ERBB4: variants seen among roughly 807,000 people sequenced by gnomAD.
ERBB4 encodes the protein erb-b2 receptor tyrosine kinase 4.
In ERBB4, 42 loss-of-function variants were observed where a neutral mutation model predicts 158.0. The observed-to-expected ratio is 0.27, with a 90% confidence interval of 0.21 to 0.34. ERBB4 has a LOEUF of 0.34. Ranked by LOEUF, ERBB4 falls within the 10% of genes least tolerant of loss-of-function variation. The pLI, the probability that ERBB4 is intolerant of heterozygous loss-of-function variation, is 1.00. For missense variants in ERBB4, 1,333 were observed against 1,624.1 expected (o/e 0.82, Z 3.08); for synonymous variants, 583 against 558.7 (o/e 1.04, Z -0.61).
At chr2:212,529,874 T>C (rs1413148518) in intron 1 of ERBB4, among the ~76,000 whole-genome samples, 2 of 152,092 alleles carry the variant, frequency 1.3e-5, no homozygotes, top group Non-Finnish European at 2.9e-5. Flanking sequence ...AAGCACCAAG[T>C]AAGCCACAAA....
intron 2 of ERBB4, among the ~76,000 whole-genome samples, chr2:212,010,635 G>A (rs188378496): frequency 3.5e-4 from 54 of 152,242 alleles, no homozygotes; most frequent in Non-Finnish European, 6.5e-4. Context: ...AGTAGTGCAC[G>A]TATTGTCTTA....
chr2:211,424,304 A>G lies in ERBB4; in HGVS notation c.2720-3T>C, dbSNP rs755412967. 1.2e-6 allele frequency: 2 copies of G among 1,610,402 alleles called. No individual in the cohort carries two copies. The highest frequency in any genetic ancestry group is 1.7e-6 in the Non-Finnish European group (2 of 1,177,130). On this transcript the variant is annotated splice_polypyrimidine_tract_variant and splice_region_variant and intron_variant, in intron 22 of 27. Coordinates refer to ENST00000342788, the MANE Select transcript of ERBB4 (RefSeq NM_005235.3). ...CATCAGTTCCCATATAGTAACTCCTATATTGGAGAAAAAATTCTTACTTAA... is the reference window on the plus strand; with the variant it reads ...CATCAGTTCCCATATAGTAACTCCTGTATTGGAGAAAAAATTCTTACTTAA...
At chr2:211,857,324 G>A (rs188410266) in intron 3 of ERBB4, among the ~76,000 whole-genome samples, 101 of 152,214 alleles carry the variant, frequency 6.6e-4, no homozygotes, top group African/African-American at 2.4e-3. Context: ...CATAAAATCT[G>A]TTAAGTCCAA....
chr2:211,916,311 C>G (rs946784638), intron 3 of ERBB4, among the ~76,000 whole-genome samples: 6 of 152,074 alleles, frequency 3.9e-5, no homozygotes, highest in Admixed American at 2.6e-4. Context: ...TCCCGAGTAT[C>G]TGGGATTACA....
At chr2:212,086,855 T>A (rs1468510051) in intron 2 of ERBB4, among the ~76,000 whole-genome samples, 2 of 151,896 alleles carry the variant, frequency 1.3e-5, no homozygotes, top group African/African-American at 4.8e-5. Flanking sequence ...AGTACATGGG[T>A]AGGAGAACAC....
At chr2:212,128,007 G>A (rs1052019111) in intron 1 of ERBB4, among the ~76,000 whole-genome samples, 1 of 152,074 alleles carries the variant, frequency 6.6e-6, no homozygotes, top group Non-Finnish European at 1.5e-5. Context: ...GTTACTATTT[G>A]TCTCTAAATT....
intron 13 of ERBB4, among the ~76,000 whole-genome samples, chr2:211,675,792 T>TATATATATATATATATATATATATATA (rs1553607853): frequency 8.5e-5 from 8 of 93,588 alleles, no homozygotes; most frequent in Middle Eastern, 6.1e-3. Flanking sequence ...AAATATAATA[T>TATATATATATATATATATATATATATA]TATATATATA....
intron 4 of ERBB4, among the ~76,000 whole-genome samples, chr2:211,753,682 C>T (rs1399122167): frequency 6.6e-6 from 1 of 151,260 alleles, no homozygotes; most frequent in Non-Finnish European, 1.5e-5. Context: ...AGGAGATCAC[C>T]CTAGACCATT....
At chr2:211,856,928 T>G (rs1575257795) in intron 3 of ERBB4, among the ~76,000 whole-genome samples, 1 of 152,290 alleles carries the variant, frequency 6.6e-6, no homozygotes, top group East Asian at 1.9e-4. Context: ...CAGATTTAGA[T>G]CTTTAGTAAA....
chr2:211,623,833 G>C, intron 18 of ERBB4, 89 bp downstream of exon 18: 5 of 1,259,736 alleles, frequency 4.0e-6, no homozygotes, highest in Non-Finnish European at 5.7e-6. Flanking sequence ...AAGAAAATTA[G>C]GTTGTCTAAA....
chr2:212,170,115 G>A lies in ERBB4; in HGVS notation c.83-45212C>T, dbSNP rs189809231. On this transcript the variant is annotated intron_variant, in intron 1 of 27. Transcript: ENST00000342788. ...GGCCCAAAAGAATACAGGAAACTAT[G>A]GAAAAGTTTGGAACTTCATAGAGAC... Among the ~76,000 whole-genome samples, 360 of 152,290 alleles carry A rather than the reference G, an allele frequency of 2.4e-3. 3 individuals are homozygous for A. Among genetic ancestry groups the A allele is most frequent in the African/African-American group, 8.3e-3 (346 of 41,574 alleles).
chr2:212,197,388 G>A (rs1189119286), intron 1 of ERBB4, among the ~76,000 whole-genome samples: 1 of 152,042 alleles, frequency 6.6e-6, no homozygotes, highest in Non-Finnish European at 1.5e-5. Context: ...AGAACTTTGT[G>A]GATTTTAGAA....
At chr2:212,322,166 C>T (rs577730619) in intron 1 of ERBB4, among the ~76,000 whole-genome samples, 1 of 150,458 alleles carries the variant, frequency 6.6e-6, no homozygotes, top group South Asian at 2.1e-4. Flanking sequence ...AATAGTTAGG[C>T]TTTTCTGTTG....
intron 1 of ERBB4, among the ~76,000 whole-genome samples, chr2:212,293,872 A>AAAAAAT (rs2086310178): frequency 1.4e-5 from 2 of 146,330 alleles, no homozygotes; most frequent in Non-Finnish European, 3.0e-5. Flanking sequence ...AAAAAAAAAA[A>AAAAAAT]ACATACATTT....
At chr2:212,234,305 C>T (rs2083773574) in intron 1 of ERBB4, among the ~76,000 whole-genome samples, 1 of 152,136 alleles carries the variant, frequency 6.6e-6, no homozygotes. Flanking sequence ...CTGCAAAGGA[C>T]ATGAACTCAT....
chr2:211,789,017 ATGAC>A (rs1264466727), intron 3 of ERBB4, among the ~76,000 whole-genome samples: 7 of 152,140 alleles, frequency 4.6e-5, no homozygotes, highest in Non-Finnish European at 7.4e-5. Context: ...TCCACAAACA[ATGAC>A]TGACCACAGA....
chr2:212,025,988 T>C (rs1306849321), intron 2 of ERBB4, among the ~76,000 whole-genome samples: 1 of 151,740 alleles, frequency 6.6e-6, no homozygotes, highest in Non-Finnish European at 1.5e-5. Flanking sequence ...AGAGTAACTG[T>C]CCTGCTTCTC....
rs1574492131 is a variant in ERBB4 at position 211,377,420 on chromosome 2, A to G, written c.*6195T>C. 1 of 231,598 alleles carries G rather than the reference A, an allele frequency of 4.3e-6. No individual in the cohort carries two copies. The highest frequency in any genetic ancestry group is 8.6e-6 in the Non-Finnish European group (1 of 116,838). 14.3% of individuals were successfully genotyped at this position (231,598 alleles called of 1,614,324 possible). A position where few individuals can be genotyped will look rare whatever the true frequency, so the allele number is the denominator to read the frequency against. On this transcript the variant is annotated 3_prime_UTR_variant, in exon 28 of 28. Coordinates refer to ENST00000342788, the MANE Select transcript of ERBB4 (RefSeq NM_005235.3). The stretch of plus-strand genomic sequence containing the variant: ...ATTTGCACAAATATAACCACTTCTC[A>G]TGATATAGGGAAAGCTCACTAGAGC...
intron 1 of ERBB4, among the ~76,000 whole-genome samples, chr2:212,149,642 C>G (rs2080806621): frequency 6.6e-6 from 1 of 152,094 alleles, no homozygotes; most frequent in African/African-American, 2.4e-5. Context: ...AAAACATGTA[C>G]ATATGCATAC....
Sources: gnomAD v4.1 joint callset for allele counts (sites outside exome capture counted in the v4.1 genomes callset) on GRCh38, gnomAD v4.1.1 for gene constraint, MANE v1.5 for transcripts, NCBI Gene and HGNC (gene_info 2026-07-23, HGNC 2026-07-21) for gene names.